The following ROR1 variants were observed in gnomAD, a reference collection of about 807,000 sequenced individuals.
The protein encoded by ROR1 is ROR family WNT receptor 1, also known as inactive tyrosine-protein kinase transmembrane receptor ROR1.
A neutral mutation model predicts 78.8 loss-of-function variants in ROR1; 19 were observed. That is an observed-to-expected ratio of 0.24 (90% CI 0.17 to 0.35). ROR1 has a LOEUF of 0.35. Ranked by LOEUF, ROR1 falls within the 10% of genes least tolerant of loss-of-function variation. ROR1 has a pLI of 1.00. For missense variants in ROR1, 917 were observed against 1,177.8 expected (o/e 0.78, Z 3.24); for synonymous variants, 386 against 433.6 (o/e 0.89, Z 1.36).
chr1:64,067,968 T>C (rs1646972643), intron 4 of ROR1, among the ~76,000 whole-genome samples: 1 of 152,172 alleles, frequency 6.6e-6, no homozygotes, highest in South Asian at 2.1e-4. Flanking sequence ...CACCTTGGCC[T>C]CCCAAAGTGA....
intron 1 of ROR1, among the ~76,000 whole-genome samples, chr1:63,799,944 T>C (rs1180839823): frequency 1.3e-5 from 2 of 152,224 alleles, no homozygotes; most frequent in Non-Finnish European, 2.9e-5. Flanking sequence ...TTAGAAAATA[T>C]GCAGTTGGTT....
rs961652811 is a variant in ROR1 at position 64,181,341 on chromosome 1, T to G, written c.*2486T>G. On this transcript the variant is annotated 3_prime_UTR_variant, in exon 9 of 9. Coordinates refer to ENST00000371079, the MANE Select transcript of ROR1 (RefSeq NM_005012.4). ...ATCACTGTATTACTTAATGTTTGAT[T>G]TGTTATTATGGGCATTTCAAATAGG... is the stretch of plus-strand genomic sequence containing the variant. 1 of 152,152 alleles carries G rather than the reference T, an allele frequency of 6.6e-6. No homozygotes were observed. Among genetic ancestry groups the G allele is most frequent in the Non-Finnish European group, 1.5e-5 (1 of 67,988 alleles). The allele number at this position is 152,152 out of a possible 1,614,324, so 9.4% of individuals were successfully genotyped here. A position where few individuals can be genotyped will look rare whatever the true frequency, so the allele number is the denominator to read the frequency against.
chr1:63,913,268 G>A (rs1352648017), intron 1 of ROR1, among the ~76,000 whole-genome samples: 1 of 152,048 alleles, frequency 6.6e-6, no homozygotes, highest in Non-Finnish European at 1.5e-5. Context: ...CCTTTGGGTT[G>A]CAAGGTTTTT....
chr1:64,114,977 T>C (rs1395017645), intron 4 of ROR1, among the ~76,000 whole-genome samples: 1 of 152,190 alleles, frequency 6.6e-6, no homozygotes, highest in Admixed American at 6.5e-5. Context: ...TTTGTTTGCT[T>C]GTTTTTGAGA....
intron 4 of ROR1, among the ~76,000 whole-genome samples, chr1:64,051,457 A>AAAAAAT (rs1359777733): frequency 5.3e-4 from 41 of 76,728 alleles, no homozygotes; most frequent in Middle Eastern, 6.8e-3. Flanking sequence ...CTCAAAAATA[A>AAAAAAT]AAAATAAAAT....
intron 1 of ROR1, among the ~76,000 whole-genome samples, chr1:63,881,262 G>A (rs1645321221): frequency 6.6e-6 from 1 of 152,150 alleles, no homozygotes; most frequent in African/African-American, 2.4e-5. Flanking sequence ...TCTGAAGAGT[G>A]TTCCATGGGA....
In ROR1 at chr1:64,177,636, A is replaced by G. The variant is rs1650421346; in HGVS notation, c.1595A>G (p.His532Arg). ...QEASLMAELH[H>R]PNIVCLLGAV... ...GCCTCCCTAATGGCAGAACTGCACCACCCCAATATTGTCTGCCTTCTAGGT... is the reference window on the plus strand; with the variant it reads ...GCCTCCCTAATGGCAGAACTGCACCGCCCCAATATTGTCTGCCTTCTAGGT... Residue 532 changes from histidine (H) to arginine (R), a missense_variant, in exon 9 of 9, where the codon CAC (histidine) becomes CGC (arginine). This residue lies in a region of ROR1 where 835 missense variants were observed against 1,069.8 expected (regional missense o/e 0.78). Coordinates refer to ENST00000371079, the MANE Select transcript of ROR1 (RefSeq NM_005012.4). The G allele has an allele frequency of 6.2e-7, 1 of 1,614,140 alleles. No individual in the cohort carries two copies. The highest frequency in any genetic ancestry group is 8.5e-7 in the Non-Finnish European group (1 of 1,180,018).
intron 1 of ROR1, chr1:63,788,857 G>A (rs1320434351): frequency 6.6e-6 from 5 of 752,528 alleles, no homozygotes; most frequent in Admixed American, 1.8e-5. Context: ...CTTCATGCGA[G>A]CCTTATCTGC....
At chr1:63,909,450 C>T (rs1008422636) in intron 1 of ROR1, among the ~76,000 whole-genome samples, 2 of 152,102 alleles carry the variant, frequency 1.3e-5, no homozygotes, top group Non-Finnish European at 2.9e-5. Context: ...TCCTTGAAGC[C>T]ACTCTGTGCC....
At chr1:64,122,474 A>G (rs1167186501) in intron 4 of ROR1, among the ~76,000 whole-genome samples, 1 of 152,136 alleles carries the variant, frequency 6.6e-6, no homozygotes, top group African/African-American at 2.4e-5. Context: ...TTATGTATTC[A>G]TCGATCCTTC....
intron 1 of ROR1, among the ~76,000 whole-genome samples, chr1:63,938,956 C>G (rs1645815154): frequency 6.6e-6 from 1 of 152,198 alleles, no homozygotes; most frequent in Admixed American, 6.5e-5. Flanking sequence ...AGTGATTGTG[C>G]CACCGCACTG....
intron 1 of ROR1, among the ~76,000 whole-genome samples, chr1:63,943,093 T>TA (rs56230309): frequency 0.051 from 5,828 of 114,856 alleles, 445 homozygotes; most frequent in African/African-American, 0.18. Context: ...ACCCTGTCTT[T>TA]AAAAAAAAAA....
intron 1 of ROR1, among the ~76,000 whole-genome samples, chr1:64,006,979 A>C (rs1049972599): frequency 6.6e-6 from 1 of 152,128 alleles, no homozygotes; most frequent in African/African-American, 2.4e-5. Flanking sequence ...TAAATATGGA[A>C]ATACGAAAAA....
intron 1 of ROR1, among the ~76,000 whole-genome samples, chr1:63,914,320 T>C (rs894892957): frequency 2.6e-5 from 4 of 152,276 alleles, no homozygotes; most frequent in East Asian, 1.9e-4. Flanking sequence ...AATGATCAAG[T>C]GTGGCCCAGT....
At chr1:63,794,737 G>A (rs1644748734) in intron 1 of ROR1, among the ~76,000 whole-genome samples, 2 of 152,232 alleles carry the variant, frequency 1.3e-5, no homozygotes, top group South Asian at 2.1e-4. Flanking sequence ...AGGAAGCAGC[G>A]AGCAAGAAGG....
chr1:64,150,647 G>A (rs547438855), intron 7 of ROR1, among the ~76,000 whole-genome samples: 1 of 152,304 alleles, frequency 6.6e-6, no homozygotes, highest in East Asian at 1.9e-4. Context: ...GGGTAAAGGA[G>A]GAAGAAGTAT....
chr1:64,025,054 TGCTTAGAAAA>T (rs572297665), intron 2 of ROR1, among the ~76,000 whole-genome samples: 215 of 152,348 alleles, frequency 1.4e-3, no homozygotes, highest in Non-Finnish European at 2.4e-3. Context: ...TTTGGTGTCA[TGCTTAGAAAA>T]GCCTTCCATT....
intron 2 of ROR1, among the ~76,000 whole-genome samples, chr1:64,021,642 A>T (rs2100557133): frequency 6.6e-6 from 1 of 152,306 alleles, no homozygotes; most frequent in Non-Finnish European, 1.5e-5. Context: ...CCTGGCTACC[A>T]AGTCCATGTT....
At chr1:63,877,252 C>T (rs72928787) in intron 1 of ROR1, among the ~76,000 whole-genome samples, 20,874 of 152,034 alleles carry the variant, frequency 0.14, 1,533 homozygotes, top group Non-Finnish European at 0.16. Context: ...AATTCCTCTG[C>T]GTGTGGAAGG....
Sources: gnomAD v4.1 joint callset for allele counts (sites outside exome capture counted in the v4.1 genomes callset) on GRCh38, gnomAD v4.1.1 for gene constraint, gnomAD v4.1.1 regional missense constraint, MANE v1.5 for transcripts, NCBI Gene and HGNC (gene_info 2026-07-23, HGNC 2026-07-21) for gene names.